Variants in PSMD1 observed in about 807,000 individuals in gnomAD.
PSMD1 encodes proteasome 26S subunit, non-ATPase 1.
Under a neutral mutation model 119.0 loss-of-function variants are expected in PSMD1, and 18 were observed. That is an observed-to-expected ratio of 0.15 (90% CI 0.10 to 0.22). The LOEUF is 0.22. Ranked by LOEUF, PSMD1 falls within the 10% of genes least tolerant of loss-of-function variation. The pLI is 1.00. For missense variants in PSMD1, 702 were observed against 1,158.5 expected (o/e 0.61, Z 5.72); for synonymous variants, 374 against 396.6 (o/e 0.94, Z 0.68).
At chr2:231,121,223 G>A (rs900470001) in intron 16 of PSMD1, among the ~76,000 whole-genome samples, 3 of 152,002 alleles carry the variant, frequency 2.0e-5, no homozygotes, top group Admixed American at 6.6e-5. Flanking sequence ...ATTTTATTTT[G>A]TAATTAGAAA....
intron 16 of PSMD1, among the ~76,000 whole-genome samples, chr2:231,121,039 G>A (rs1695522357): frequency 1.3e-5 from 2 of 152,140 alleles, no homozygotes; most frequent in Admixed American, 1.3e-4. Flanking sequence ...TTTGAAGTTT[G>A]TTAGAGGGCA....
intron 4 of PSMD1, among the ~76,000 whole-genome samples, chr2:231,066,476 T>C (rs1356399893): frequency 6.6e-6 from 1 of 152,236 alleles, no homozygotes; most frequent in Non-Finnish European, 1.5e-5. Context: ...GCCAGTTCTT[T>C]TGAATAAGCA....
At chr2:231,160,026 C>G (rs1396742138) in intron 19 of PSMD1, among the ~76,000 whole-genome samples, 2 of 152,192 alleles carry the variant, frequency 1.3e-5, no homozygotes, top group African/African-American at 4.8e-5. Context: ...GCTCTGCAGC[C>G]AGGTTCCTAA....
intron 21 of PSMD1, 48 bp from the exon 22 acceptor site, chr2:231,165,152 T>G (rs1696747951): frequency 6.8e-7 from 1 of 1,461,324 alleles, no homozygotes; most frequent in Non-Finnish European, 9.2e-7. Context: ...CTTGCATGTT[T>G]GTATGTCAGT....
chr2:231,140,783 C>G (rs899860549), intron 17 of PSMD1, among the ~76,000 whole-genome samples: 1 of 152,050 alleles, frequency 6.6e-6, no homozygotes, highest in African/African-American at 2.4e-5. Context: ...GCAGCTGAGG[C>G]AGGAGAATTG....
At chr2:231,075,447 A>T (rs971711980) in intron 7 of PSMD1, 64 bp from the exon 8 acceptor site, 2 of 1,405,050 alleles carry the variant, frequency 1.4e-6, no homozygotes, top group Admixed American at 3.6e-5. Context: ...GACATGGTTC[A>T]GATCTGTGGT....
intron 9 of PSMD1, 88 bp from the exon 10 acceptor site, chr2:231,078,571 C>A: frequency 1.1e-6 from 1 of 878,276 alleles, no homozygotes; most frequent in Non-Finnish European, 1.7e-6. Context: ...GCTTTTACCA[C>A]AAAATAGGAC....
intron 16 of PSMD1, among the ~76,000 whole-genome samples, chr2:231,120,169 C>A (rs1457938128): frequency 6.6e-6 from 1 of 152,108 alleles, no homozygotes; most frequent in Non-Finnish European, 1.5e-5. Context: ...CCAGGCTGGT[C>A]TCGAACTCCT....
At position 231,072,216 on chromosome 2, in the gene PSMD1, G is replaced by T. The variant is rs1198260513; in HGVS notation, c.682G>T (p.Ala228Ser). 2.5e-6 allele frequency: 4 copies of T among 1,612,904 alleles called. No individual in the cohort carries two copies. The highest frequency in any genetic ancestry group is 1.1e-5 in the South Asian group (1 of 91,038). ...CTTAATTTTCTTAGATGATCCTCAG[G>T]CTGTGAGTGATATCTTAGAGAAACT... is the stretch of plus-strand genomic sequence containing the variant. ...QCLIFLDDPQAVSDILEKLVK... is the reference protein window; with the variant it reads ...QCLIFLDDPQSVSDILEKLVK... The change falls in exon 7 of 25, where the codon GCT (alanine) becomes TCT (serine). Residue 228 changes from alanine to serine, a missense_variant. Coordinates refer to ENST00000308696, the MANE Select transcript of PSMD1 (RefSeq NM_002807.4).
intron 20 of PSMD1, 62 bp from the exon 21 acceptor site, chr2:231,163,573 C>T (rs984385420): frequency 7.9e-6 from 10 of 1,262,934 alleles, no homozygotes; most frequent in East Asian, 2.3e-5. Flanking sequence ...CTTTTGTATC[C>T]GTATGCCTGT....
Position 231,165,229 on chromosome 2 carries a change from C to T in PSMD1, c.2511C>T (p.Ala837=), listed in dbSNP as rs751869192. The T allele has an allele frequency of 3.7e-6, 6 of 1,606,832 alleles. No individual in the cohort carries two copies. The highest frequency in any genetic ancestry group is 5.1e-6 in the Non-Finnish European group (6 of 1,175,722). Residue 837 remains alanine, a synonymous_variant, in exon 22 of 25, where the codon GCC becomes GCT. Coordinates refer to ENST00000308696, the MANE Select transcript of PSMD1 (RefSeq NM_002807.4). ...KVSTAVLSIT[A]KAKKKEKEKE... The stretch of plus-strand genomic sequence containing the variant: ...CTACTGCTGTATTATCTATAACTGC[C>T]AAGGCTAAAAAGAAGGAAAAAGAAA...
intron 16 of PSMD1, among the ~76,000 whole-genome samples, chr2:231,136,093 T>C (rs575493289): frequency 6.6e-6 from 1 of 152,250 alleles, no homozygotes; most frequent in Non-Finnish European, 1.5e-5. Context: ...GGATAGTCTT[T>C]TTTTAAAATG....
At chr2:231,083,204 C>G (rs1286328748) in intron 13 of PSMD1, among the ~76,000 whole-genome samples, 1 of 152,132 alleles carries the variant, frequency 6.6e-6, no homozygotes, top group Admixed American at 6.5e-5. Flanking sequence ...TCCTGTGTGT[C>G]CACTTTCATA....
intron 16 of PSMD1, among the ~76,000 whole-genome samples, chr2:231,099,821 C>A (rs1037324112): frequency 6.6e-6 from 1 of 152,208 alleles, no homozygotes; most frequent in African/African-American, 2.4e-5. Context: ...TCTAAGCCAC[C>A]CCGACCAAGG....
At chr2:231,150,027 C>T (rs1162283195) in intron 18 of PSMD1, among the ~76,000 whole-genome samples, 4 of 151,990 alleles carry the variant, frequency 2.6e-5, no homozygotes, top group African/African-American at 4.8e-5. Context: ...ACGCTAAATA[C>T]GGAGATTTGG....
At chr2:231,073,187 G>A (rs1048915455) in intron 7 of PSMD1, among the ~76,000 whole-genome samples, 3 of 152,142 alleles carry the variant, frequency 2.0e-5, no homozygotes, top group Non-Finnish European at 2.9e-5. Flanking sequence ...TATGGGTGTG[G>A]TTCGTGGTGT....
At chr2:231,123,455 C>T (rs775942439) in intron 16 of PSMD1, 2 of 1,613,986 alleles carry the variant, frequency 1.2e-6, no homozygotes, top group South Asian at 2.2e-5. Flanking sequence ...ACAAACAATC[C>T]AACCAGCAAA....
chr2:231,061,760 C>G (rs1693765986), intron 2 of PSMD1, among the ~76,000 whole-genome samples: 1 of 151,924 alleles, frequency 6.6e-6, no homozygotes, highest in Non-Finnish European at 1.5e-5. Context: ...GATGGGGTCT[C>G]ACTGTGTTGT....
intron 17 of PSMD1, 51 bp from the exon 18 acceptor site, chr2:231,146,188 TC>T: frequency 8.0e-7 from 1 of 1,248,664 alleles, no homozygotes. Context: ...AATTGAAAGT[TC>T]AGCCATATCA....
Sources: allele counts gnomAD v4.1 joint callset (sites outside exome capture counted in the v4.1 genomes callset), GRCh38; gene constraint gnomAD v4.1.1; transcripts MANE v1.5; gene names NCBI Gene and HGNC (gene_info 2026-07-23, HGNC 2026-07-21).